Variants in SBF2 observed in about 807,000 individuals in gnomAD.
SBF2 encodes the protein SET binding factor 2.
Under a neutral mutation model 225.2 loss-of-function variants are expected in SBF2, and 112 were observed. The ratio of observed to expected loss-of-function variants is 0.50; its 90% CI spans 0.43 to 0.58. The LOEUF is 0.58. Ranked by LOEUF, SBF2 falls within the 20% of genes least tolerant of loss-of-function variation. The pLI is 0.00. For missense variants in SBF2, 1,996 were observed against 2,206.2 expected (o/e 0.90, Z 1.91); for synonymous variants, 763 against 773.3 (o/e 0.99, Z 0.22).
intron 2 of SBF2, among the ~76,000 whole-genome samples, chr11:10,154,133 A>G (rs1210275905): frequency 6.6e-6 from 1 of 151,402 alleles, no homozygotes; most frequent in Non-Finnish European, 1.5e-5. Flanking sequence ...TTACTTTTCA[A>G]AGTTGTTTTG....
chr11:9,946,924 T>C (rs1159842819), intron 16 of SBF2, among the ~76,000 whole-genome samples: 2 of 152,220 alleles, frequency 1.3e-5, no homozygotes, highest in Non-Finnish European at 2.9e-5. Context: ...ATAAGTATAA[T>C]AAAGACTTGC....
intron 1 of SBF2, among the ~76,000 whole-genome samples, chr11:10,248,385 T>G (rs928475705): frequency 6.6e-6 from 1 of 152,240 alleles, no homozygotes; most frequent in Non-Finnish European, 1.5e-5. Flanking sequence ...GCCTCTTAAA[T>G]GCTTCATAAA....
At chr11:9,789,661 T>C (rs1852613018) in intron 34 of SBF2, among the ~76,000 whole-genome samples, 2 of 152,198 alleles carry the variant, frequency 1.3e-5, no homozygotes, top group Admixed American at 6.5e-5. Context: ...CCCCCTGTCC[T>C]TGGCCTCTCT....
Position 10,294,155 on chromosome 11 carries a change from T to C in SBF2, c.-86A>G. The C allele has an allele frequency of 9.7e-7, 1 of 1,034,746 alleles. No homozygotes were observed. Among genetic ancestry groups the C allele is most frequent in the Non-Finnish European group, 1.3e-6 (1 of 798,468 alleles). 64.1% of individuals were successfully genotyped at this position (1,034,746 alleles called of 1,614,324 possible). On this transcript the variant is annotated 5_prime_UTR_variant, in exon 1 of 40. Coordinates refer to ENST00000256190, the MANE Select transcript of SBF2 (RefSeq NM_030962.4). ...CCCGGCCCGGGAGGGCTCAGCATTT[T>C]CCCTGCAGCGGCAGTAGCGGCAGCG...
intron 1 of SBF2, among the ~76,000 whole-genome samples, chr11:10,280,798 A>C (rs1256688588): frequency 1.3e-5 from 2 of 151,510 alleles, no homozygotes; most frequent in African/African-American, 4.9e-5. Context: ...TTTGCCACTC[A>C]ATAGCTGTGT....
chr11:10,247,137 C>A (rs59090117), intron 1 of SBF2, among the ~76,000 whole-genome samples: 29,831 of 151,966 alleles, frequency 0.2, 3,097 homozygotes, highest in Middle Eastern at 0.26. Flanking sequence ...GTGAAAGAAA[C>A]ATTGGGTGGA....
chr11:9,787,218 TTTC>T (rs1477207885), intron 36 of SBF2, among the ~76,000 whole-genome samples: 1 of 152,198 alleles, frequency 6.6e-6, no homozygotes, highest in African/African-American at 2.4e-5. Context: ...ATGATAAATG[TTTC>T]TTAAGTCAGA....
chr11:10,170,747 C>T (rs1040769164), intron 2 of SBF2, among the ~76,000 whole-genome samples: 1 of 151,968 alleles, frequency 6.6e-6, no homozygotes, highest in Middle Eastern at 3.2e-3. Flanking sequence ...GTAGTATAAA[C>T]ATTTTAACAA....
chr11:10,155,610 T>C lies in SBF2; in HGVS notation c.141+38292A>G, dbSNP rs183034171. Among the ~76,000 whole-genome samples, 100 of 152,320 alleles carry C rather than the reference T, an allele frequency of 6.6e-4. 1 individual carries two copies. The highest frequency in any genetic ancestry group is 1.1e-3 in the Non-Finnish European group (77 of 68,022). ...TTCAGAGGGGAAGGTCATACATATT[T>C]TAAAACTTCACATATATAAAGGATT... On this transcript the variant is annotated intron_variant, in intron 2 of 39. Transcript: ENST00000256190.
intron 33 of SBF2, among the ~76,000 whole-genome samples, chr11:9,792,605 A>C (rs993377597): frequency 6.6e-6 from 1 of 152,158 alleles, no homozygotes; most frequent in Non-Finnish European, 1.5e-5. Flanking sequence ...AACAGACTTC[A>C]AGTAGGCAAC....
At chr11:9,839,305 C>T in intron 26 of SBF2, 193 bp downstream of exon 26, 1 of 631,234 alleles carries the variant, frequency 1.6e-6, no homozygotes, top group Admixed American at 2.5e-5. Context: ...ACCTTCTCAC[C>T]TACTAGAGGT....
chr11:9,887,395 T>C (rs993227060), intron 17 of SBF2, among the ~76,000 whole-genome samples: 2 of 152,044 alleles, frequency 1.3e-5, no homozygotes. Flanking sequence ...CTAAACTAAT[T>C]ATAATAATTC....
chr11:10,003,243 C>T (rs1027651658), intron 6 of SBF2, among the ~76,000 whole-genome samples: 5 of 152,186 alleles, frequency 3.3e-5, no homozygotes, highest in African/African-American at 1.2e-4. Flanking sequence ...TATTTTTAAT[C>T]CAGTCTGACA....
At chr11:10,029,908 T>C (rs1198841847) in intron 4 of SBF2, 33 bp from the exon 5 acceptor site, 1 of 1,394,998 alleles carries the variant, frequency 7.2e-7, no homozygotes, top group Non-Finnish European at 1.0e-6. Flanking sequence ...AATTATTTCA[T>C]GGAAAAAGCA....
rs372610638 is a variant in SBF2, at chr11:9,861,162, A to G, written c.1930-2766T>C. 2.6e-5 allele frequency among the ~76,000 whole-genome samples: 4 copies of G among 152,174 alleles called. No individual in the cohort carries two copies. In the South Asian group the frequency reaches 6.2e-4, roughly 24 times the overall value. ...CCAATGAACATTTCTTCTGAGTATC[A>G]TGCCAGCCCACTACAAGTTTAGAAT... On this transcript the variant is annotated intron_variant, in intron 17 of 39. Transcript: ENST00000256190.
intron 1 of SBF2, among the ~76,000 whole-genome samples, chr11:10,292,126 T>G (rs558135986): frequency 6.6e-6 from 1 of 152,324 alleles, no homozygotes; most frequent in South Asian, 2.1e-4. Context: ...AACTGGATCC[T>G]TTTGCCAGTA....
At chr11:10,175,767 G>C (rs1956435551) in intron 2 of SBF2, among the ~76,000 whole-genome samples, 1 of 151,792 alleles carries the variant, frequency 6.6e-6, no homozygotes, top group South Asian at 2.1e-4. Flanking sequence ...TGGAAGTAAA[G>C]CACTCCTCAG....
intron 1 of SBF2, among the ~76,000 whole-genome samples, chr11:10,204,704 G>T (rs1957692978): frequency 6.6e-6 from 1 of 151,384 alleles, no homozygotes; most frequent in African/African-American, 2.4e-5. Context: ...ACGTATCATG[G>T]ATAATCCTTG....
chr11:10,191,497 T>C (rs1220530954), intron 2 of SBF2, among the ~76,000 whole-genome samples: 1 of 152,192 alleles, frequency 6.6e-6, no homozygotes, highest in Admixed American at 6.5e-5. Flanking sequence ...CATTAAAGAA[T>C]TGAAATTGCG....
Sources: gnomAD v4.1 joint callset for allele counts (sites outside exome capture counted in the v4.1 genomes callset) on GRCh38, gnomAD v4.1.1 for gene constraint, MANE v1.5 for transcripts, NCBI Gene and HGNC (gene_info 2026-07-23, HGNC 2026-07-21) for gene names.